The following PLAA variants were observed in gnomAD, a reference collection of about 807,000 sequenced individuals.
The protein encoded by PLAA is phospholipase A-2-activating protein.
A neutral mutation model predicts 84.1 loss-of-function variants in PLAA; 48 were observed. The ratio of observed to expected loss-of-function variants is 0.57; its 90% CI spans 0.45 to 0.73. The LOEUF is 0.73. PLAA is among the 30% of genes least tolerant of loss of function. PLAA has a pLI of 0.00. For missense variants in PLAA, 903 were observed against 954.7 expected (o/e 0.95, Z 0.71); for synonymous variants, 392 against 336.6 (o/e 1.16, Z -1.80).
intron 9 of PLAA, among the ~76,000 whole-genome samples, chr9:26,918,908 C>T (rs1487651489): frequency 1.3e-5 from 2 of 151,658 alleles, no homozygotes; most frequent in Admixed American, 1.3e-4. Flanking sequence ...GTAGAATACA[C>T]ATCACATATA....
Position 26,946,917 on chromosome 9 carries a change from G to A in PLAA, c.129C>T (p.Thr43=), listed in dbSNP as rs776017839. The A allele has an allele frequency of 3.8e-6, 6 of 1,579,258 alleles. No homozygotes were observed. In the African/African-American group the frequency reaches 4.0e-5, roughly 11 times the overall value. ...AFVSVSRDRT[T]RLWAPDSPNR... ...CTCACCTGTCTGGGGCCCAGAGGCG[G>A]GTGGTGCGGTCTCGGGACACGGACA... Residue 43 remains threonine, a synonymous_variant, in exon 1 of 14, where the codon ACC becomes ACT. Transcript: ENST00000397292.
In PLAA at chr9:26,905,262, T is replaced by C; in HGVS notation, c.*249A>G. ...GGGGAAGATGTCATTGTCATTGTGT[T>C]GTTGCTGATTATAGCTTATTTTAAA... On this transcript the variant is annotated 3_prime_UTR_variant, in exon 14 of 14. Coordinates refer to ENST00000397292, the MANE Select transcript of PLAA (RefSeq NM_001031689.3). 3 of 437,420 alleles carry C rather than the reference T, an allele frequency of 6.9e-6. No individual in the cohort carries two copies. Among genetic ancestry groups the C allele is most frequent in the Non-Finnish European group, 1.2e-5 (3 of 245,458 alleles). 27.1% of individuals were successfully genotyped at this position (437,420 alleles called of 1,614,324 possible).
chr9:26,903,501 C>A lies in PLAA; in HGVS notation c.*2010G>T, dbSNP rs920883041. Among the ~76,000 whole-genome samples the A allele has an allele frequency of 9.2e-5, 14 of 152,248 alleles. No homozygotes were observed. The East Asian group carries it at 9.7e-4, about 10-fold the overall frequency. ...TAAAATACATTTACATACATAGTCACTATGCCACAAGATGTTAAGAATAGT... is the reference window on the plus strand; with the variant it reads ...TAAAATACATTTACATACATAGTCAATATGCCACAAGATGTTAAGAATAGT... On this transcript the variant is annotated 3_prime_UTR_variant, in exon 14 of 14. Transcript: ENST00000397292.
At chr9:26,915,080 C>T (rs1824507607) in intron 10 of PLAA, among the ~76,000 whole-genome samples, 1 of 152,100 alleles carries the variant, frequency 6.6e-6, no homozygotes, top group African/African-American at 2.4e-5. Context: ...GGCATGGTGG[C>T]ACATGCCTGT....
intron 7 of PLAA, among the ~76,000 whole-genome samples, chr9:26,922,811 C>T (rs113340966): frequency 0.012 from 1,850 of 152,038 alleles, 37 homozygotes; most frequent in African/African-American, 0.042. Context: ...GGACTACAAG[C>T]GCATGCCATC....
At chr9:26,925,480 T>C (rs1244959732) in intron 6 of PLAA, among the ~76,000 whole-genome samples, 1 of 152,228 alleles carries the variant, frequency 6.6e-6, no homozygotes, top group Non-Finnish European at 1.5e-5. Flanking sequence ...TTCTCACTCA[T>C]AATCTTTCAA....
chr9:26,935,628 T>C (rs1825333494), intron 1 of PLAA, among the ~76,000 whole-genome samples: 1 of 152,034 alleles, frequency 6.6e-6, no homozygotes, highest in Admixed American at 6.5e-5. Context: ...CTTTTTCACA[T>C]TATGAAGCAT....
intron 2 of PLAA, among the ~76,000 whole-genome samples, chr9:26,929,510 G>A (rs1367817094): frequency 6.6e-6 from 1 of 152,144 alleles, no homozygotes; most frequent in Non-Finnish European, 1.5e-5. Flanking sequence ...ATTATCTTAG[G>A]AAAGAAGAGT....
intron 6 of PLAA, among the ~76,000 whole-genome samples, chr9:26,924,233 C>A (rs543236170): frequency 6.6e-5 from 10 of 152,076 alleles, no homozygotes; most frequent in Non-Finnish European, 1.3e-4. Flanking sequence ...CGGGCCCAAG[C>A]AATCCTCCCA....
chr9:26,926,619 T>C, intron 4 of PLAA, 59 bp from the exon 5 acceptor site: 1 of 1,174,398 alleles, frequency 8.5e-7, no homozygotes, highest in Non-Finnish European at 1.2e-6. Context: ...GATGGCTCTA[T>C]ACATTTTACT....
Position 26,919,443 on chromosome 9 carries a change from T to C in PLAA, c.1284A>G (p.Leu428=). The C allele has an allele frequency of 6.2e-7, 1 of 1,611,490 alleles. No individual in the cohort carries two copies. Residue 428 remains leucine (L), a synonymous_variant, in exon 9 of 14, where the codon TTA becomes TTG. Coordinates refer to ENST00000397292, the MANE Select transcript of PLAA (RefSeq NM_001031689.3). ...TCTTCTGTAAGAAGTTGTATGCAGT[T>C]AACCAAGGGTCATCACTGGTATTAT... is the stretch of plus-strand genomic sequence containing the variant. ...LPYNTSDDPW[L]TAYNFLQKND... is the part of the protein sequence containing the mutation.
intron 1 of PLAA, among the ~76,000 whole-genome samples, chr9:26,940,302 A>C (rs1449700398): frequency 6.6e-6 from 1 of 152,212 alleles, no homozygotes; most frequent in Non-Finnish European, 1.5e-5. Context: ...ATAAACATGA[A>C]ATTTTATTCA....
At chr9:26,943,053 A>G (rs1392096690) in intron 1 of PLAA, among the ~76,000 whole-genome samples, 1 of 152,122 alleles carries the variant, frequency 6.6e-6, no homozygotes, top group Non-Finnish European at 1.5e-5. Context: ...TGTGTCTTCA[A>G]GCATGGGTCG....
At chr9:26,924,146 T>A (rs1414050297) in intron 6 of PLAA, among the ~76,000 whole-genome samples, 1 of 152,094 alleles carries the variant, frequency 6.6e-6, no homozygotes, top group Non-Finnish European at 1.5e-5. Flanking sequence ...CTCTTTTTCT[T>A]TGAGACAGGG....
chr9:26,915,260 T>C (rs927187654), intron 10 of PLAA, among the ~76,000 whole-genome samples: 1 of 152,144 alleles, frequency 6.6e-6, no homozygotes, highest in Non-Finnish European at 1.5e-5. Context: ...ATCATTTATT[T>C]AATTAGAATC....
chr9:26,905,833 T>C lies in PLAA; in HGVS notation c.2066A>G (p.Glu689Gly), dbSNP rs1824215302. The change falls in exon 14 of 14, where the codon GAA (glutamate) becomes GGA (glycine). Residue 689 changes from glutamate (E) to glycine (G), a missense_variant. Coordinates refer to ENST00000397292, the MANE Select transcript of PLAA (RefSeq NM_001031689.3). ...GTTCTTATTGCTCCCTGATTTCAGT[T>C]CTATTGCATGGGACATCAGTGATTC... ...QRESLMSHAI[E>G]LKSGSNKNIH... 2.5e-6 allele frequency: 4 copies of C among 1,614,196 alleles called. No homozygotes were observed. Among genetic ancestry groups the C allele is most frequent in the African/African-American group, 1.3e-5 (1 of 75,062 alleles).
At chr9:26,915,786 G>C (rs1285819446) in intron 10 of PLAA, 16 of 985,274 alleles carry the variant, frequency 1.6e-5, no homozygotes, top group Non-Finnish European at 1.9e-5. Flanking sequence ...GGTTATAATG[G>C]CCCCAGGAGT....
intron 2 of PLAA, among the ~76,000 whole-genome samples, chr9:26,929,228 T>C (rs772553579): frequency 3.1e-4 from 47 of 151,378 alleles, no homozygotes; most frequent in Non-Finnish European, 5.9e-5. Flanking sequence ...AAAGAAAAAT[T>C]AGCCAGGTGG....
chr9:26,942,898 A>AAAAAG (rs1825585544), intron 1 of PLAA, among the ~76,000 whole-genome samples: 9 of 149,770 alleles, frequency 6.0e-5, no homozygotes, highest in African/African-American at 1.7e-4. Context: ...AAAAAAAAAA[A>AAAAAG]GGCACAGAAA....
Sources: gnomAD v4.1 joint callset for allele counts (sites outside exome capture counted in the v4.1 genomes callset) on GRCh38, gnomAD v4.1.1 for gene constraint, MANE v1.5 for transcripts, NCBI Gene and HGNC (gene_info 2026-07-23, HGNC 2026-07-21) for gene names.